INPP4B: variants seen among roughly 807,000 people sequenced by gnomAD.
INPP4B encodes inositol polyphosphate 4-phosphatase type II.
In INPP4B, 55 loss-of-function variants were observed where a neutral mutation model predicts 122.5. That is an observed-to-expected ratio of 0.45 (90% CI 0.36 to 0.56). The LOEUF is 0.56. INPP4B is among the 20% of genes least tolerant of loss of function. The pLI is 0.00. For missense variants in INPP4B, 1,000 were observed against 1,097.7 expected (o/e 0.91, Z 1.26); for synonymous variants, 403 against 388.7 (o/e 1.04, Z -0.43).
chr4:142,299,173 G>GTTTTT lies in INPP4B; in HGVS notation c.503+6284_503+6285insAAAAA, dbSNP rs780746455. On this transcript the variant is annotated intron_variant, in intron 9 of 25. Coordinates refer to ENST00000262992, the MANE Select transcript of INPP4B (RefSeq NM_001101669.3). ...CTTTCTTTCTTTTTTTTTTTTTGGG[G>GTTTTT]GGGAGACAGAGTCTTGCTCTTATCC... Among the ~76,000 whole-genome samples, 499 of 143,480 alleles carry GTTTTT rather than the reference G, an allele frequency of 3.5e-3. 8 individuals carry two copies. The highest frequency in any genetic ancestry group is 9.6e-3 in the African/African-American group (357 of 37,132). 94.1% of individuals were successfully genotyped at this position (143,480 alleles called of 152,430 possible).
At chr4:142,488,568 A>T (rs564030470) in intron 2 of INPP4B, among the ~76,000 whole-genome samples, 1 of 152,160 alleles carries the variant, frequency 6.6e-6, no homozygotes, top group East Asian at 1.9e-4. Context: ...CAGTTACAGG[A>T]CTGCTCATAT....
intron 2 of INPP4B, among the ~76,000 whole-genome samples, chr4:142,484,398 C>A (rs942406809): frequency 6.6e-6 from 1 of 151,790 alleles, no homozygotes; most frequent in Non-Finnish European, 1.5e-5. Flanking sequence ...TAAAGAAAAG[C>A]TTGTATATAG....
chr4:142,439,856 C>A (rs1032376793), intron 3 of INPP4B, among the ~76,000 whole-genome samples: 1 of 152,122 alleles, frequency 6.6e-6, no homozygotes, highest in African/African-American at 2.4e-5. Flanking sequence ...AATTGACATA[C>A]CTTCAAATTC....
Position 142,082,196 on chromosome 4 carries a change from T to G in INPP4B, c.2488-11A>C, listed in dbSNP as rs200198925. 6 of 1,496,268 alleles carry G rather than the reference T, an allele frequency of 4.0e-6. 1 individual carries two copies. In the Admixed American group the frequency reaches 5.1e-5, roughly 13 times the overall value. The allele number at this position is 1,496,268 out of a possible 1,614,324, so 92.7% of individuals were successfully genotyped here. ...CAGTTTGCGGCAAATCTGTAACATA[T>G]GTAAGAACGAACGTTTCTTGTTCAT... is the stretch of plus-strand genomic sequence containing the variant. On this transcript the variant is annotated splice_polypyrimidine_tract_variant and intron_variant, in intron 24 of 25. Transcript: ENST00000262992.
At chr4:142,423,725 C>A in intron 5 of INPP4B, 2 of 417,918 alleles carry the variant, frequency 4.8e-6, no homozygotes, top group Middle Eastern at 3.5e-4. Context: ...AATTGCATAT[C>A]CACATGACAC....
chr4:142,800,498 T>C (rs748047979), intron 1 of INPP4B, among the ~76,000 whole-genome samples: 1 of 152,124 alleles, frequency 6.6e-6, no homozygotes, highest in Non-Finnish European at 1.5e-5. Context: ...TATGATCAAA[T>C]GGAAATTGGA....
chr4:142,843,008 C>A (rs1304374370), intron 1 of INPP4B, among the ~76,000 whole-genome samples: 4 of 146,166 alleles, frequency 2.7e-5, no homozygotes, highest in African/African-American at 7.5e-5. Context: ...TTAAATGTTT[C>A]TTTTAATCTA....
At chr4:142,763,869 G>C (rs955877860) in intron 1 of INPP4B, among the ~76,000 whole-genome samples, 3 of 151,968 alleles carry the variant, frequency 2.0e-5, no homozygotes, top group African/African-American at 7.2e-5. Context: ...CAATAGTCAA[G>C]ACATGAAATT....
At chr4:142,756,927 C>T (rs1770595714) in intron 1 of INPP4B, among the ~76,000 whole-genome samples, 1 of 152,062 alleles carries the variant, frequency 6.6e-6, no homozygotes, top group African/African-American at 2.4e-5. Flanking sequence ...TTGGAAAGAT[C>T]TAAAAAGGAG....
chr4:142,116,765 A>C (rs1032579950), intron 21 of INPP4B, among the ~76,000 whole-genome samples: 14 of 152,298 alleles, frequency 9.2e-5, no homozygotes, highest in African/African-American at 3.1e-4. Context: ...GAGAAGCAAG[A>C]GCAAACACAT....
chr4:142,838,128 T>C (rs1026430124), intron 1 of INPP4B, among the ~76,000 whole-genome samples: 23 of 151,834 alleles, frequency 1.5e-4, no homozygotes, highest in African/African-American at 5.6e-4. Flanking sequence ...TTCAATTGAA[T>C]TGAACTATAG....
intron 2 of INPP4B, among the ~76,000 whole-genome samples, chr4:142,601,576 T>A (rs1262501275): frequency 2.1e-5 from 3 of 144,988 alleles, no homozygotes; most frequent in African/African-American, 5.1e-5. Context: ...AATAAACTCC[T>A]ATGTCAAAAA....
chr4:142,473,598 C>T (rs1035051496), intron 2 of INPP4B, among the ~76,000 whole-genome samples: 6 of 152,290 alleles, frequency 3.9e-5, no homozygotes, highest in Non-Finnish European at 5.9e-5. Context: ...CACAATAGCC[C>T]CAACAGAGGT....
chr4:142,118,705 A>G (rs541106555), intron 21 of INPP4B, among the ~76,000 whole-genome samples: 1,659 of 152,282 alleles, frequency 0.011, 25 homozygotes, highest in African/African-American at 0.037. Context: ...AAGAAAACCT[A>G]GGCAATACCA....
intron 21 of INPP4B, among the ~76,000 whole-genome samples, chr4:142,118,626 C>T (rs1206421791): frequency 3.3e-5 from 5 of 152,092 alleles, no homozygotes; most frequent in African/African-American, 7.2e-5. Context: ...TTCCTTACAC[C>T]TTATACAAAA....
At chr4:142,063,317 C>A (rs1446634664) in intron 25 of INPP4B, among the ~76,000 whole-genome samples, 2 of 152,106 alleles carry the variant, frequency 1.3e-5, no homozygotes, top group Non-Finnish European at 2.9e-5. Flanking sequence ...CCACCCTGCC[C>A]AGGAGCCCAA....
chr4:142,197,731 A>G (rs570912623), intron 14 of INPP4B, among the ~76,000 whole-genome samples: 2 of 152,186 alleles, frequency 1.3e-5, no homozygotes, highest in Non-Finnish European at 2.9e-5. Flanking sequence ...CTGAATCGTT[A>G]CTTTAGTAGG....
intron 2 of INPP4B, among the ~76,000 whole-genome samples, chr4:142,679,619 T>G (rs1758306449): frequency 6.6e-6 from 1 of 151,800 alleles, no homozygotes; most frequent in Admixed American, 6.6e-5. Flanking sequence ...CACATGTGGT[T>G]GGCATGCATT....
intron 12 of INPP4B, among the ~76,000 whole-genome samples, chr4:142,211,335 T>C (rs1844790602): frequency 6.6e-6 from 1 of 152,096 alleles, no homozygotes; most frequent in Admixed American, 6.6e-5. Flanking sequence ...GAAGATAACT[T>C]GGTTCATGAA....
Sources: allele counts gnomAD v4.1 joint callset (sites outside exome capture counted in the v4.1 genomes callset), GRCh38; gene constraint gnomAD v4.1.1; transcripts MANE v1.5; gene names NCBI Gene and HGNC (gene_info 2026-07-23, HGNC 2026-07-21).